ROBO1: variants seen among roughly 807,000 people sequenced by gnomAD.
ROBO1 encodes the protein roundabout guidance receptor 1.
Under a neutral mutation model 195.9 loss-of-function variants are expected in ROBO1, and 149 were observed. The observed-to-expected ratio is 0.76, with a 90% CI of 0.67 to 0.87. The LOEUF (loss-of-function observed/expected upper bound fraction) is 0.87. Ranked by LOEUF, ROBO1 falls within the 40% of genes least tolerant of loss-of-function variation. ROBO1 has a pLI of 0.00. For synonymous variants in ROBO1, 816 were observed against 733.2 expected (o/e 1.11, Z -1.82); for missense variants, 1,933 against 2,068.3 (o/e 0.93, Z 1.27).
chr3:78,955,111 G>T (rs987760640), intron 3 of ROBO1, among the ~76,000 whole-genome samples: 10 of 114,768 alleles, frequency 8.7e-5, no homozygotes, highest in Non-Finnish European at 1.6e-4. Flanking sequence ...GTGTCATGGG[G>T]TTATATAGGT....
At chr3:79,186,763 A>ATC (rs2081447129) in intron 2 of ROBO1, among the ~76,000 whole-genome samples, 3 of 151,992 alleles carry the variant, frequency 2.0e-5, no homozygotes, top group African/African-American at 7.2e-5. Flanking sequence ...TTGAGATGAG[A>ATC]TCTCTCTCAT....
intron 4 of ROBO1, among the ~76,000 whole-genome samples, chr3:78,898,450 T>C (rs1040551737): frequency 1.4e-5 from 2 of 141,824 alleles, no homozygotes; most frequent in African/African-American, 2.6e-5. Context: ...TGCAGTGGCG[T>C]GATCTCGGCT....
At chr3:78,737,034 T>A (rs2082408613) in intron 5 of ROBO1, among the ~76,000 whole-genome samples, 1 of 152,160 alleles carries the variant, frequency 6.6e-6, no homozygotes, top group Non-Finnish European at 1.5e-5. Flanking sequence ...TGGGTACCTT[T>A]AGGGCATTAG....
intron 2 of ROBO1, among the ~76,000 whole-genome samples, chr3:79,589,570 T>C (rs1409341060): frequency 6.6e-6 from 1 of 151,774 alleles, no homozygotes; most frequent in Non-Finnish European, 1.5e-5. Context: ...ATAACACTCC[T>C]TACATGTTTC....
chr3:78,692,193 A>G (rs2081190753), intron 8 of ROBO1, among the ~76,000 whole-genome samples: 1 of 152,126 alleles, frequency 6.6e-6, no homozygotes, highest in Non-Finnish European at 1.5e-5. Flanking sequence ...GCCAGATATT[A>G]CATTATTATT....
chr3:79,717,051 CAACT>C (rs1405652528), intron 1 of ROBO1, among the ~76,000 whole-genome samples: 4 of 151,822 alleles, frequency 2.6e-5, no homozygotes, highest in Non-Finnish European at 2.9e-5. Context: ...AAAAGAATGA[CAACT>C]AATAACAAAG....
chr3:78,831,451 T>C (rs2032199756), intron 4 of ROBO1, among the ~76,000 whole-genome samples: 1 of 152,188 alleles, frequency 6.6e-6, no homozygotes, highest in South Asian at 2.1e-4. Context: ...ATGTCAGAGA[T>C]ATTAAATGAA....
chr3:79,458,353 A>G (rs1291640995), intron 2 of ROBO1, among the ~76,000 whole-genome samples: 3 of 152,154 alleles, frequency 2.0e-5, no homozygotes, highest in African/African-American at 7.2e-5. Flanking sequence ...ATTCCAAGAT[A>G]CCAAGACAAT....
chr3:78,969,693 G>A (rs2076721180), intron 3 of ROBO1, among the ~76,000 whole-genome samples: 1 of 152,054 alleles, frequency 6.6e-6, no homozygotes, highest in African/African-American at 2.4e-5. Context: ...AGCCACATGT[G>A]GAGATTTTAA....
At chr3:79,072,008 G>T (rs1215556062) in intron 3 of ROBO1, among the ~76,000 whole-genome samples, 1 of 151,682 alleles carries the variant, frequency 6.6e-6, no homozygotes, top group Non-Finnish European at 1.5e-5. Context: ...TCTCTTAAGG[G>T]TTTACTCCAA....
At chr3:79,244,118 T>G (rs2082575417) in intron 2 of ROBO1, among the ~76,000 whole-genome samples, 1 of 152,116 alleles carries the variant, frequency 6.6e-6, no homozygotes, top group Admixed American at 6.6e-5. Flanking sequence ...AGGCAAGGAT[T>G]TGAACCCACG....
chr3:79,645,280 T>C (rs1334770581), intron 1 of ROBO1, among the ~76,000 whole-genome samples: 1 of 151,908 alleles, frequency 6.6e-6, no homozygotes, highest in Non-Finnish European at 1.5e-5. Context: ...AACAGGAGGA[T>C]TGCTTGAGCC....
At chr3:78,941,723 T>A (rs561291698) in intron 3 of ROBO1, among the ~76,000 whole-genome samples, 5 of 152,284 alleles carry the variant, frequency 3.3e-5, no homozygotes, top group African/African-American at 1.2e-4. Flanking sequence ...GGTACACTTG[T>A]GGGACCTGCA....
rs745359493 is a variant in ROBO1 at position 78,862,165 on chromosome 3, G to C, written c.499+76436C>G. Among the ~76,000 whole-genome samples, 286 of 152,246 alleles carry C rather than the reference G, an allele frequency of 1.9e-3. 3 individuals carry two copies. Among genetic ancestry groups the C allele is most frequent in the Non-Finnish European group, 4.3e-4 (29 of 68,014 alleles). On this transcript the variant is annotated intron_variant, in intron 4 of 30. Coordinates refer to ENST00000464233, the MANE Select transcript of ROBO1 (RefSeq NM_002941.4). ...TTTCTCTGCTTGCATTAGACCCCAA[G>C]ATGGAGGAAAAGGAGAAGTCAGAGA...
At chr3:78,690,206 G>T (rs1396120862) in intron 8 of ROBO1, among the ~76,000 whole-genome samples, 1 of 151,246 alleles carries the variant, frequency 6.6e-6, no homozygotes, top group Admixed American at 6.6e-5. Context: ...ACGACTTGAT[G>T]ATTGCATGGG....
chr3:79,184,204 G>A (rs2081395460), intron 2 of ROBO1, among the ~76,000 whole-genome samples: 1 of 152,140 alleles, frequency 6.6e-6, no homozygotes, highest in Non-Finnish European at 1.5e-5. Context: ...GAAAGCTTAG[G>A]CTGCACATTA....
intron 8 of ROBO1, among the ~76,000 whole-genome samples, chr3:78,692,157 A>C (rs1423318403): frequency 6.6e-6 from 1 of 152,098 alleles, no homozygotes; most frequent in Non-Finnish European, 1.5e-5. Flanking sequence ...GTAAGGTATC[A>C]TATAGGAACC....
At chr3:79,337,646 C>A (rs748527545) in intron 2 of ROBO1, among the ~76,000 whole-genome samples, 2 of 152,304 alleles carry the variant, frequency 1.3e-5, no homozygotes, top group East Asian at 3.9e-4. Flanking sequence ...ATACCTTACT[C>A]ATACTTTCTC....
chr3:78,703,947 G>T (rs2081483544), intron 8 of ROBO1, among the ~76,000 whole-genome samples: 1 of 152,004 alleles, frequency 6.6e-6, no homozygotes, highest in South Asian at 2.1e-4. Context: ...GATCCAGTTT[G>T]CTATGTCTTG....
Sources: gnomAD v4.1 joint callset for allele counts (sites outside exome capture counted in the v4.1 genomes callset) on GRCh38, gnomAD v4.1.1 for gene constraint, MANE v1.5 for transcripts, NCBI Gene and HGNC (gene_info 2026-07-23, HGNC 2026-07-21) for gene names.